Variants in WDR12 observed in about 807,000 individuals in gnomAD.
WDR12 encodes WD repeat domain 12, also known as ribosome biogenesis protein WDR12.
Under a neutral mutation model 64.3 loss-of-function variants are expected in WDR12, and 42 were observed. The observed-to-expected ratio is 0.65, with a 90% CI of 0.51 to 0.84. The LOEUF (loss-of-function observed/expected upper bound fraction) is 0.84. Ranked by LOEUF, WDR12 falls within the 40% of genes least tolerant of loss-of-function variation. The pLI is 0.00. For synonymous variants in WDR12, 158 were observed against 173.3 expected, an observed-to-expected ratio of 0.91 and a Z score of 0.70; for missense variants, 469 against 494.6, an observed-to-expected ratio of 0.95 and a Z score of 0.49.
At chr2:202,890,996 T>TAAAAAA (rs71030997) in intron 8 of WDR12, among the ~76,000 whole-genome samples, 2 of 111,172 alleles carry the variant, frequency 1.8e-5, no homozygotes, top group Admixed American at 1.1e-4. Flanking sequence ...TTTGTCTCTT[T>TAAAAAA]AAAAAAAAAA....
Position 202,907,877 on chromosome 2 carries a change from TTAG to T in WDR12, c.121_123del (p.Leu41del). 1 of 1,613,626 alleles carries T rather than the reference TTAG, an allele frequency of 6.2e-7. No homozygotes were observed. Among genetic ancestry groups the T allele is most frequent in the South Asian group, 1.1e-5 (1 of 91,076 alleles). ...CATATATACCCACCATTTTTGTCCT[TTAG>T]TAGTTTATTGATGATGTTACTAAGG... On this transcript the variant is annotated inframe_deletion, in exon 2 of 13. Coordinates refer to ENST00000261015, the MANE Select transcript of WDR12 (RefSeq NM_018256.4).
At chr2:202,910,592 A>C (rs968294853) in intron 1 of WDR12, among the ~76,000 whole-genome samples, 3 of 152,186 alleles carry the variant, frequency 2.0e-5, no homozygotes, top group African/African-American at 7.2e-5. Context: ...TAAGAAAAAC[A>C]AAAAAACCTA....
chr2:202,899,385 G>T, intron 4 of WDR12, 146 bp downstream of exon 4: 1 of 671,510 alleles, frequency 1.5e-6, no homozygotes, highest in Non-Finnish European at 2.4e-6. Context: ...AGATCTTTCT[G>T]TTTGCCATGG....
chr2:202,906,819 T>C (rs1004174731), intron 2 of WDR12, among the ~76,000 whole-genome samples: 7 of 152,216 alleles, frequency 4.6e-5, no homozygotes, highest in African/African-American at 1.7e-4. Context: ...TTTTATGTAA[T>C]GTTTCTTTAC....
Position 202,880,151 on chromosome 2 carries a change from T to C in WDR12, c.*709A>G, listed in dbSNP as rs1171235397. On this transcript the variant is annotated 3_prime_UTR_variant, in exon 13 of 13. Transcript: ENST00000261015. ...TTTTCTCTATTACAATTTTCATTAA[T>C]CTTTTTGAATGCTTTTTTAAAATAG... 6.6e-6 allele frequency: 1 copy of C among 152,252 alleles called. No homozygotes were observed. The highest frequency in any genetic ancestry group is 1.9e-4 in the East Asian group (1 of 5,202). The allele number at this position is 152,252 out of a possible 1,614,324, so 9.4% of individuals were successfully genotyped here.
chr2:202,900,401 C>T (rs1206788820), intron 3 of WDR12, among the ~76,000 whole-genome samples: 1 of 150,378 alleles, frequency 6.6e-6, no homozygotes, highest in Non-Finnish European at 1.5e-5. Context: ...TTAATGGGTA[C>T]AGGTCTTCTG....
At chr2:202,887,397 A>G (rs1473896225) in intron 8 of WDR12, among the ~76,000 whole-genome samples, 2 of 152,190 alleles carry the variant, frequency 1.3e-5, no homozygotes, top group African/African-American at 4.8e-5. Flanking sequence ...CTGTAGCACA[A>G]AAATAGGTGA....
Position 202,876,406 on chromosome 2 carries a change from A to G in WDR12, c.*4454T>C, listed in dbSNP as rs1308486102. ...TAACAAAATACTGTTATTGTGTTTG[A>G]TACTTAATCTATGATAGTCAAAAAT... On this transcript the variant is annotated 3_prime_UTR_variant, in exon 13 of 13. Transcript: ENST00000261015. 10 of 152,332 alleles carry G rather than the reference A, an allele frequency of 6.6e-5. No individual in the cohort carries two copies. In the East Asian group the frequency reaches 1.9e-3, roughly 29 times the overall value. 9.4% of individuals were successfully genotyped at this position (152,332 alleles called of 1,614,324 possible). A position where few individuals can be genotyped will look rare whatever the true frequency, so the allele number is the denominator to read the frequency against.
intron 3 of WDR12, 52 bp from the exon 4 acceptor site, chr2:202,899,689 T>A: frequency 6.6e-7 from 1 of 1,512,080 alleles, no homozygotes; most frequent in Non-Finnish European, 9.2e-7. Context: ...TTTAAAATAT[T>A]ACATTATGAA....
intron 6 of WDR12, 74 bp from the exon 7 acceptor site, chr2:202,894,700 T>C: frequency 7.8e-7 from 1 of 1,276,224 alleles, no homozygotes; most frequent in Non-Finnish European, 1.1e-6. Flanking sequence ...AGTAGGTCTC[T>C]TCCTCATTCA....
At chr2:202,892,536 A>ACAG in intron 8 of WDR12, 81 bp downstream of exon 8, 1 of 945,746 alleles carries the variant, frequency 1.1e-6, no homozygotes. Flanking sequence ...GGCAACATAA[A>ACAG]CAAAAAAGAC....
chr2:202,886,033 GC>G (rs1688040744), intron 8 of WDR12, among the ~76,000 whole-genome samples: 1 of 151,986 alleles, frequency 6.6e-6, no homozygotes, highest in South Asian at 2.1e-4. Context: ...CTCCAGCCAG[GC>G]CCACTCCTGC....
At chr2:202,885,725 C>T (rs1688034927) in intron 8 of WDR12, among the ~76,000 whole-genome samples, 1 of 152,128 alleles carries the variant, frequency 6.6e-6, no homozygotes, top group African/African-American at 2.4e-5. Context: ...AACTAGGTAA[C>T]TAGGTAGAGT....
At chr2:202,902,343 T>A (rs1482898071) in intron 2 of WDR12, among the ~76,000 whole-genome samples, 1 of 152,206 alleles carries the variant, frequency 6.6e-6, no homozygotes, top group Non-Finnish European at 1.5e-5. Context: ...CTGTGATGGT[T>A]AACACTGAGT....
chr2:202,882,587 C>T (rs149553508), intron 12 of WDR12, 124 bp downstream of exon 12: 39,973 of 918,574 alleles, frequency 0.044, 1,157 homozygotes, highest in Non-Finnish European at 0.055. Flanking sequence ...CTTGGCCTCC[C>T]AAAGTGCTGC....
rs148971412 is a variant in WDR12, at chr2:202,907,199, G to A, written c.136+666C>T. On this transcript the variant is annotated intron_variant, in intron 2 of 12. Coordinates refer to ENST00000261015, the MANE Select transcript of WDR12 (RefSeq NM_018256.4). ...CCTGACCTCGTGATCCACCCGCCTC[G>A]GCCTCCCAAAGTGCTGGGATTACAA... Among the ~76,000 whole-genome samples the A allele has an allele frequency of 4.1e-4, 62 of 152,030 alleles. 1 individual carries two copies. The highest frequency in any genetic ancestry group is 1.2e-3 in the South Asian group (6 of 4,818).
intron 8 of WDR12, among the ~76,000 whole-genome samples, chr2:202,886,696 A>G (rs1688054669): frequency 6.8e-6 from 1 of 147,354 alleles, no homozygotes; most frequent in Admixed American, 6.9e-5. Context: ...GAACCCAGGA[A>G]GCAAAGGTTG....
chr2:202,903,844 G>A (rs570508675), intron 2 of WDR12, among the ~76,000 whole-genome samples: 1 of 152,188 alleles, frequency 6.6e-6, no homozygotes, highest in African/African-American at 2.4e-5. Flanking sequence ...ATCGATGAAA[G>A]ACATTGAAGA....
chr2:202,899,010 T>C (rs1227169450), intron 4 of WDR12, among the ~76,000 whole-genome samples: 1 of 134,228 alleles, frequency 7.5e-6, no homozygotes, highest in Non-Finnish European at 1.6e-5. Context: ...AGAAAAAGAG[T>C]ACCTATTAAT....
Sources: gnomAD v4.1 joint callset for allele counts (sites outside exome capture counted in the v4.1 genomes callset) on GRCh38, gnomAD v4.1.1 for gene constraint, MANE v1.5 for transcripts, NCBI Gene and HGNC (gene_info 2026-07-23, HGNC 2026-07-21) for gene names.